Variants in RALYL observed in about 807,000 individuals in gnomAD.
The protein encoded by RALYL is RALY RNA binding protein like.
In RALYL, 29 loss-of-function variants were observed where a neutral mutation model predicts 35.1. That is an observed-to-expected ratio of 0.83 (90% CI 0.61 to 1.13). The LOEUF is 1.13. Ranked by LOEUF, RALYL falls within the 50% of genes most tolerant of loss-of-function variation. The pLI is 0.00. For missense variants in RALYL, 359 were observed against 360.4 expected (o/e 1.00, Z 0.03); for synonymous variants, 120 against 127.6 (o/e 0.94, Z 0.40).
At chr8:84,315,505 C>G (rs546529939) in intron 1 of RALYL, among the ~76,000 whole-genome samples, 268 of 152,160 alleles carry the variant, frequency 1.8e-3, no homozygotes, top group Non-Finnish European at 2.8e-3. Context: ...AATTGCAGGT[C>G]TAGGGGAGAA....
intron 3 of RALYL, among the ~76,000 whole-genome samples, chr8:84,794,503 T>C (rs1044003235): frequency 5.9e-5 from 9 of 152,220 alleles, no homozygotes; most frequent in Non-Finnish European, 8.8e-5. Context: ...TTTACAAGTC[T>C]GGAACTGAGA....
At chr8:84,694,066 C>T (rs1035583651) in intron 2 of RALYL, among the ~76,000 whole-genome samples, 1 of 151,862 alleles carries the variant, frequency 6.6e-6, no homozygotes, top group African/African-American at 2.4e-5. Context: ...AAGAACCCCA[C>T]TCTCTCCACT....
chr8:84,415,207 T>G lies in RALYL; in HGVS notation c.-23-114092T>G, dbSNP rs1677965. Among the ~76,000 whole-genome samples the G allele has an allele frequency of 1.2e-3, 109 of 89,716 alleles. 1 individual carries two copies. Among genetic ancestry groups the G allele is most frequent in the Middle Eastern group, 6.0e-3 (1 of 166 alleles). The allele number at this position is 89,716 out of a possible 152,430, so 58.9% of individuals were successfully genotyped here. Reference sequence around the variant, plus strand: ...AGTTATTCTACTTGCAGACACTCGTTTTTTTTTTTTTGTTTTTTTGTTTTG... The same window carrying G: ...AGTTATTCTACTTGCAGACACTCGTGTTTTTTTTTTTGTTTTTTTGTTTTG... On this transcript the variant is annotated intron_variant, in intron 1 of 8. Transcript: ENST00000521268.
At chr8:84,731,045 A>G (rs1204894995) in intron 2 of RALYL, among the ~76,000 whole-genome samples, 4 of 152,108 alleles carry the variant, frequency 2.6e-5, no homozygotes, top group Admixed American at 6.6e-5. Context: ...AGGGGCAGAA[A>G]CATTTTTTTG....
intron 7 of RALYL, among the ~76,000 whole-genome samples, chr8:84,879,552 G>GAT (rs1841814504): frequency 1.3e-5 from 2 of 152,180 alleles, no homozygotes; most frequent in South Asian, 4.1e-4. Context: ...AATGTCAACA[G>GAT]ATAGTGCATA....
rs542196502 is a variant in RALYL at position 84,345,332 on chromosome 8, C to T, written c.-24+160908C>T. On this transcript the variant is annotated intron_variant, in intron 1 of 8. Coordinates refer to ENST00000521268, the MANE Select transcript of RALYL (RefSeq NM_173848.7). ...CAGGGAGATGTTAGGTCAATGGTAT[C>T]TGCCAACTTTTCATTAGAAAGTATT... 2.0e-5 allele frequency among the ~76,000 whole-genome samples: 3 copies of T among 152,074 alleles called. No homozygotes were observed. In the South Asian group the frequency reaches 6.2e-4, roughly 32 times the overall value.
intron 1 of RALYL, among the ~76,000 whole-genome samples, chr8:84,332,301 G>T (rs564059532): frequency 6.6e-6 from 1 of 152,052 alleles, no homozygotes; most frequent in Non-Finnish European, 1.5e-5. Context: ...TCCAGAGCTT[G>T]GTTCTTAAGA....
chr8:84,558,665 C>A (rs2061289287), intron 2 of RALYL, among the ~76,000 whole-genome samples: 1 of 151,878 alleles, frequency 6.6e-6, no homozygotes, highest in Admixed American at 6.6e-5. Flanking sequence ...TTTATGTTGA[C>A]CTATATATAC....
Position 84,445,227 on chromosome 8 carries a change from C to T in RALYL, c.-23-84072C>T, listed in dbSNP as rs78843826. 9.1e-4 allele frequency among the ~76,000 whole-genome samples: 139 copies of T among 152,042 alleles called. No individual in the cohort carries two copies. The East Asian group carries it at 0.018, about 20-fold the overall frequency. On this transcript the variant is annotated intron_variant, in intron 1 of 8. Coordinates refer to ENST00000521268, the MANE Select transcript of RALYL (RefSeq NM_173848.7). ...ATATCTTTCAGGAAGTTCCATGAAG[C>T]TTTTTAATTTTAATTTTTAAAGTGA... is the stretch of plus-strand genomic sequence containing the variant.
At chr8:84,743,783 T>C (rs1807936111) in intron 2 of RALYL, among the ~76,000 whole-genome samples, 1 of 152,066 alleles carries the variant, frequency 6.6e-6, no homozygotes, top group Non-Finnish European at 1.5e-5. Flanking sequence ...TCCTGACACA[T>C]TGCTGCTAAT....
chr8:84,212,838 T>C (rs1194026247), intron 1 of RALYL, among the ~76,000 whole-genome samples: 1 of 152,214 alleles, frequency 6.6e-6, no homozygotes, highest in African/African-American at 2.4e-5. Flanking sequence ...CAAGCTGTTT[T>C]ATTGGCAGTT....
chr8:84,493,917 A>G (rs1330978840), intron 1 of RALYL, among the ~76,000 whole-genome samples: 3 of 151,562 alleles, frequency 2.0e-5, no homozygotes, highest in African/African-American at 7.3e-5. Flanking sequence ...ATTAGATCCC[A>G]TTTGTCTATT....
chr8:84,795,360 C>T (rs1391807315), intron 3 of RALYL, among the ~76,000 whole-genome samples: 1 of 152,132 alleles, frequency 6.6e-6, no homozygotes. Context: ...CTCTAAGAGC[C>T]TGAGAAAGTT....
At chr8:84,670,055 G>C (rs773432975) in intron 2 of RALYL, among the ~76,000 whole-genome samples, 24 of 151,756 alleles carry the variant, frequency 1.6e-4, no homozygotes, top group Non-Finnish European at 3.2e-4. Context: ...TTGAGAGCTT[G>C]TTCCTCTGAA....
At chr8:84,614,748 A>G (rs1378067764) in intron 2 of RALYL, among the ~76,000 whole-genome samples, 1 of 150,214 alleles carries the variant, frequency 6.7e-6, no homozygotes, top group African/African-American at 2.5e-5. Context: ...AGCTAAGACT[A>G]CAGTCAGATT....
intron 1 of RALYL, among the ~76,000 whole-genome samples, chr8:84,497,262 T>C (rs953906927): frequency 6.6e-6 from 1 of 152,162 alleles, no homozygotes; most frequent in South Asian, 2.1e-4. Flanking sequence ...ATCTGCAAGG[T>C]CTTTTATGAG....
chr8:84,555,288 T>TACAC (rs111496991), intron 2 of RALYL, among the ~76,000 whole-genome samples: 34,029 of 150,690 alleles, frequency 0.23, 3,922 homozygotes, highest in African/African-American at 0.26. Flanking sequence ...AATATATACA[T>TACAC]ACACACACAC....
chr8:84,476,530 T>C (rs1057180017), intron 1 of RALYL, among the ~76,000 whole-genome samples: 8 of 152,220 alleles, frequency 5.3e-5, no homozygotes, highest in African/African-American at 1.7e-4. Flanking sequence ...GGTTTACTTT[T>C]TAATAATCTC....
intron 4 of RALYL, chr8:84,828,597 G>C (rs1252203960): frequency 6.0e-6 from 1 of 166,696 alleles, no homozygotes; most frequent in African/African-American, 2.4e-5. Context: ...TCTGACATAT[G>C]TAGTTTTCTT....
Sources: gnomAD v4.1 joint callset for allele counts (sites outside exome capture counted in the v4.1 genomes callset) on GRCh38, gnomAD v4.1.1 for gene constraint, MANE v1.5 for transcripts, NCBI Gene and HGNC (gene_info 2026-07-23, HGNC 2026-07-21) for gene names.